Variants in PGS1 observed in about 807,000 individuals in gnomAD.
PGS1 encodes CDP-diacylglycerol--glycerol-3-phosphate 3-phosphatidyltransferase, mitochondrial.
PGS1 carries 44 observed loss-of-function variants against 58.3 expected under a neutral mutation model. The ratio of observed to expected loss-of-function variants is 0.75; its 90% CI spans 0.59 to 0.97. The LOEUF (loss-of-function observed/expected upper bound fraction) is 0.97, where lower values mean the gene tolerates loss of function less well. PGS1 is among the 50% of genes least tolerant of loss of function. The pLI is 0.00. For missense variants in PGS1, 684 were observed against 731.1 expected (o/e 0.94, Z 0.74); for synonymous variants, 330 against 311.0 (o/e 1.06, Z -0.64).
chr17:78,388,724 G>A (rs2146103985), intron 1 of PGS1, among the ~76,000 whole-genome samples: 2 of 152,252 alleles, frequency 1.3e-5, no homozygotes, highest in African/African-American at 4.8e-5. Context: ...AATCCTACCA[G>A]CTTTTTGAGG....
intron 1 of PGS1, among the ~76,000 whole-genome samples, chr17:78,380,698 C>T (rs527713472): frequency 2.3e-4 from 35 of 152,308 alleles, no homozygotes; most frequent in African/African-American, 7.9e-4. Flanking sequence ...GTGACTTTGT[C>T]ATTTCCCTCT....
chr17:78,404,670 T>G (rs1158752483), intron 7 of PGS1, among the ~76,000 whole-genome samples: 1 of 152,086 alleles, frequency 6.6e-6, no homozygotes, highest in East Asian at 1.9e-4. Flanking sequence ...GGAACATGCC[T>G]TAGCTGTGAG....
At chr17:78,386,527 G>C (rs1454900082) in intron 1 of PGS1, among the ~76,000 whole-genome samples, 1 of 152,198 alleles carries the variant, frequency 6.6e-6, no homozygotes, top group Non-Finnish European at 1.5e-5. Flanking sequence ...GGGGAGCCCA[G>C]GTCTTGATGT....
intron 4 of PGS1, among the ~76,000 whole-genome samples, chr17:78,398,642 G>T (rs1285553707): frequency 6.6e-6 from 1 of 152,248 alleles, no homozygotes; most frequent in Non-Finnish European, 1.5e-5. Context: ...TTTGAGTCCA[G>T]CCTGGGCAAC....
chr17:78,400,817 C>G lies in PGS1; in HGVS notation c.842C>G (p.Thr281Arg), dbSNP rs1598314718. 3 of 1,612,536 alleles carry G rather than the reference C, an allele frequency of 1.9e-6. No homozygotes were observed. Among genetic ancestry groups the G allele is most frequent in the East Asian group, 2.2e-5 (1 of 44,810 alleles). ...DVSLQLQGDD[T>R]VQVVDGMVHP... Reference sequence around the variant, plus strand: ...TCCCTGCAGCTGCAGGGGGACGACACGGTGCAGGTGGTGGATGGGATGGTG... The same window carrying G: ...TCCCTGCAGCTGCAGGGGGACGACAGGGTGCAGGTGGTGGATGGGATGGTG... Residue 281 changes from threonine (T) to arginine (R), a missense_variant, in exon 6 of 10, where the codon ACG becomes AGG. Thr to Arg is a moderately conservative substitution (Grantham distance 71). Transcript: ENST00000262764. This position sits in a 1 kb window ranked among gnomAD's most constrained non-coding sequence, Gnocchi z 4.4.
chr17:78,423,120 T>A lies in PGS1; in HGVS notation c.*11-941T>A, dbSNP rs753894553. 2.5e-3 allele frequency among the ~76,000 whole-genome samples: 223 copies of A among 90,028 alleles called. 3 individuals are homozygous for A. Among genetic ancestry groups the A allele is most frequent in the African/African-American group, 6.7e-3 (167 of 25,108 alleles). 59.1% of individuals were successfully genotyped at this position (90,028 alleles called of 152,430 possible). ...ACTCTCCCTCGAAAAAAAAAAAAAA[T>A]GTTGATCCTGTCTTGGTCCCCCTGG... On this transcript the variant is annotated intron_variant, in intron 9 of 9. Coordinates refer to ENST00000262764, the MANE Select transcript of PGS1 (RefSeq NM_024419.5).
In PGS1 at chr17:78,385,007, C is replaced by T. The variant is rs1368421121; in HGVS notation, c.143+6199C>T. 3.9e-5 allele frequency among the ~76,000 whole-genome samples: 6 copies of T among 152,338 alleles called. No homozygotes were observed. In the East Asian group the frequency reaches 9.6e-4, roughly 24 times the overall value. ...TGTTGACACGCGCTGAGGAGAAAGG[C>T]GAGGGGTGCCAGTGTTTTCCATGAA... On this transcript the variant is annotated intron_variant, in intron 1 of 9. Transcript: ENST00000262764.
At chr17:78,416,927 G>A (rs961058622) in intron 8 of PGS1, among the ~76,000 whole-genome samples, 6 of 152,130 alleles carry the variant, frequency 3.9e-5, no homozygotes, top group Non-Finnish European at 7.3e-5. Context: ...AGCCACCGTG[G>A]GCTCCCTGCT....
intron 3 of PGS1, chr17:78,398,050 A>G (rs1251673045): frequency 1.5e-6 from 1 of 645,176 alleles, no homozygotes; most frequent in Non-Finnish European, 2.9e-6. Flanking sequence ...TGGGCCGATC[A>G]GGCCCCTGGG....
At chr17:78,399,587 G>A in intron 5 of PGS1, 50 bp downstream of exon 5, 1 of 1,575,722 alleles carries the variant, frequency 6.3e-7, no homozygotes, top group Non-Finnish European at 8.7e-7. Flanking sequence ...CTGCAGGCTG[G>A]AGGGCAGTGG....
intron 7 of PGS1, among the ~76,000 whole-genome samples, chr17:78,414,051 T>A (rs1409406379): frequency 2.6e-5 from 4 of 152,192 alleles, no homozygotes; most frequent in African/African-American, 7.2e-5. Context: ...TTCTCCTCCA[T>A]TGTCTTTTCC....
intron 6 of PGS1, among the ~76,000 whole-genome samples, chr17:78,402,740 A>G (rs1346549523): frequency 6.6e-6 from 1 of 152,144 alleles, no homozygotes; most frequent in Admixed American, 6.5e-5. Flanking sequence ...GGCGTGAGCC[A>G]CTGTGCCCGG....
At chr17:78,381,262 C>T (rs1409232696) in intron 1 of PGS1, among the ~76,000 whole-genome samples, 1 of 152,094 alleles carries the variant, frequency 6.6e-6, no homozygotes, top group Admixed American at 6.6e-5. Context: ...TGCCTTCATC[C>T]TTCATTAAGC....
At chr17:78,418,946 T>C (rs1168925482) in intron 8 of PGS1, among the ~76,000 whole-genome samples, 2 of 152,316 alleles carry the variant, frequency 1.3e-5, no homozygotes, top group East Asian at 3.9e-4. Context: ...TTTCCACCAG[T>C]TATATTTCTT....
chr17:78,394,096 C>A (rs539829717), intron 2 of PGS1, among the ~76,000 whole-genome samples: 1 of 147,944 alleles, frequency 6.8e-6, no homozygotes, highest in African/African-American at 2.5e-5. Context: ...CGCTTGAACC[C>A]GGGAGGTGGA....
chr17:78,388,846 C>A (rs1803556017), intron 1 of PGS1, among the ~76,000 whole-genome samples: 1 of 152,078 alleles, frequency 6.6e-6, no homozygotes, highest in African/African-American at 2.4e-5. Context: ...ATTTTAGCAT[C>A]TTTTCTTGTG....
Position 78,403,849 on chromosome 17 carries a change from T to C in PGS1, c.1162T>C (p.Tyr388His). ...GGCAAAGGTCTACCTCACCACTGGCTATTTCAACCTGACCCAGGCCTACAT... is the reference window on the plus strand; with the variant it reads ...GGCAAAGGTCTACCTCACCACTGGCCATTTCAACCTGACCCAGGCCTACAT... ...RGAKVYLTTGYFNLTQAYMDL... is the reference protein window; with the variant it reads ...RGAKVYLTTGHFNLTQAYMDL... The change falls in exon 7 of 10, where the codon TAT becomes CAT. Residue 388 changes from tyrosine to histidine, a missense_variant. Coordinates refer to ENST00000262764, the MANE Select transcript of PGS1 (RefSeq NM_024419.5). 6.2e-7 allele frequency: 1 copy of C among 1,614,248 alleles called. No individual in the cohort carries two copies. Among genetic ancestry groups the C allele is most frequent in the Non-Finnish European group, 8.5e-7 (1 of 1,180,048 alleles).
intron 9 of PGS1, chr17:78,421,446 G>C (rs937833259): frequency 2.6e-5 from 4 of 152,254 alleles, no homozygotes; most frequent in African/African-American, 9.7e-5. Context: ...GGCTCACCTG[G>C]TCTTAGACAA....
At chr17:78,379,023 C>T (rs184308746) in intron 1 of PGS1, among the ~76,000 whole-genome samples, 355 of 152,168 alleles carry the variant, frequency 2.3e-3, no homozygotes, top group Non-Finnish European at 4.2e-3. Flanking sequence ...CATTATCGGC[C>T]GGGTCCAGCC....
Sources: allele counts gnomAD v4.1 joint callset (sites outside exome capture counted in the v4.1 genomes callset), GRCh38; gene constraint gnomAD v4.1.1; non-coding constraint Gnocchi (gnomAD v3.1); transcripts MANE v1.5; gene names NCBI Gene and HGNC (gene_info 2026-07-23, HGNC 2026-07-21).